CYTH3: variants seen among roughly 807,000 people sequenced by gnomAD.
The protein encoded by CYTH3 is cytohesin 3, also known as cytohesin-3.
A neutral mutation model predicts 55.1 loss-of-function variants in CYTH3; 23 were observed. The ratio of observed to expected loss-of-function variants is 0.42; its 90% CI spans 0.30 to 0.59. The LOEUF is 0.59. Ranked by LOEUF, CYTH3 falls within the 20% of genes least tolerant of loss-of-function variation. The pLI is 0.20. For missense variants in CYTH3, 413 were observed against 524.8 expected (o/e 0.79, Z 2.08); for synonymous variants, 249 against 194.9 (o/e 1.28, Z -2.31).
At chr7:6,239,564 AGAG>A (rs1019047870) in intron 1 of CYTH3, among the ~76,000 whole-genome samples, 7 of 152,240 alleles carry the variant, frequency 4.6e-5, no homozygotes, top group Non-Finnish European at 1.0e-4. Context: ...AAATTAGAAA[AGAG>A]GAGATAAAAC....
intron 1 of CYTH3, among the ~76,000 whole-genome samples, chr7:6,247,562 C>T (rs796941185): frequency 8.5e-5 from 13 of 152,278 alleles, no homozygotes; most frequent in African/African-American, 3.1e-4. Flanking sequence ...AACTTTTGCT[C>T]TTCATGAATC....
At position 6,177,885 on chromosome 7, in the gene CYTH3, G is replaced by C. The variant is rs1023566058; in HGVS notation, c.306C>G (p.Ala102=). The change falls in exon 5 of 13, where the codon GCC becomes GCG. Residue 102 remains alanine, a synonymous_variant. Coordinates refer to ENST00000350796, the MANE Select transcript of CYTH3 (RefSeq NM_004227.4). ...GGCCTTCTCCTTTATAAAGGAACTGGGCGACGTCTTCTGGGGAACTCTGTA... is the reference window on the plus strand; with the variant it reads ...GGCCTTCTCCTTTATAAAGGAACTGCGCGACGTCTTCTGGGGAACTCTGTA... ...DLLQSSPEDV[A]QFLYKGEGLN... 1.9e-6 allele frequency: 3 copies of C among 1,614,002 alleles called. No homozygotes were observed. The African/African-American group carries it at 4.0e-5, about 22-fold the overall frequency.
At chr7:6,259,789 A>ATAT (rs1780270863) in intron 1 of CYTH3, among the ~76,000 whole-genome samples, 2 of 15,992 alleles carry the variant, frequency 1.3e-4, no homozygotes, top group Non-Finnish European at 1.6e-4. Flanking sequence ...TATATAATAT[A>ATAT]TATATATATA....
At position 6,163,551 on chromosome 7, in the gene CYTH3, G is replaced by A. The variant is rs186074177; in HGVS notation, c.*1393C>T. On this transcript the variant is annotated 3_prime_UTR_variant, in exon 13 of 13. Coordinates refer to ENST00000350796, the MANE Select transcript of CYTH3 (RefSeq NM_004227.4). ...GGTCCAGCCCTGAGCCCTCTCTGTAGGTGGGGCCCAGATCCAGCCTTCCTT... is the reference window on the plus strand; with the variant it reads ...GGTCCAGCCCTGAGCCCTCTCTGTAAGTGGGGCCCAGATCCAGCCTTCCTT... The A allele has an allele frequency of 6.6e-6, 1 of 152,308 alleles. No individual in the cohort carries two copies. Among genetic ancestry groups the A allele is most frequent in the Non-Finnish European group, 1.5e-5 (1 of 68,112 alleles). 9.4% of individuals were successfully genotyped at this position (152,308 alleles called of 1,614,324 possible).
At chr7:6,216,519 A>C (rs1784431069) in intron 1 of CYTH3, among the ~76,000 whole-genome samples, 1 of 151,932 alleles carries the variant, frequency 6.6e-6, no homozygotes, top group Non-Finnish European at 1.5e-5. Context: ...TGGGTGGATT[A>C]CCTGAGCTCA....
At chr7:6,271,370 C>T (rs1014801240) in intron 1 of CYTH3, among the ~76,000 whole-genome samples, 2 of 152,166 alleles carry the variant, frequency 1.3e-5, no homozygotes, top group African/African-American at 4.8e-5. Flanking sequence ...ACTGCTGATT[C>T]TTACAGGCAG....
rs373437796 is a variant in CYTH3, at chr7:6,213,534, TTTTG to T, written c.35-23007_35-23004del. 8.7e-4 allele frequency among the ~76,000 whole-genome samples: 132 copies of T among 152,132 alleles called. 1 individual carries two copies. Among genetic ancestry groups the T allele is most frequent in the African/African-American group, 2.8e-3 (118 of 41,498 alleles). On this transcript the variant is annotated intron_variant, in intron 1 of 12. Coordinates refer to ENST00000350796, the MANE Select transcript of CYTH3 (RefSeq NM_004227.4). ...ATCCCAGTAAAGTGTCCCCATGGTT[TTTTG>T]TTTGTTTGTTTGTTTGGTTTTGTTT...
At chr7:6,205,246 T>C (rs914107941) in intron 1 of CYTH3, among the ~76,000 whole-genome samples, 8 of 152,000 alleles carry the variant, frequency 5.3e-5, no homozygotes, top group African/African-American at 1.9e-4. Context: ...AAATAAATCA[T>C]TGGTCAAAGA....
chr7:6,253,012 C>T (rs946921560), intron 1 of CYTH3, among the ~76,000 whole-genome samples: 1 of 152,162 alleles, frequency 6.6e-6, no homozygotes, highest in African/African-American at 2.4e-5. Flanking sequence ...TGGTTACCAA[C>T]TTAATCCACA....
At chr7:6,265,900 T>A (rs62454288) in intron 1 of CYTH3, among the ~76,000 whole-genome samples, 1 of 151,764 alleles carries the variant, frequency 6.6e-6, no homozygotes, top group Non-Finnish European at 1.5e-5. Context: ...CACAATATAC[T>A]GAGATGGAGA....
chr7:6,244,799 ATT>A (rs1316923942), intron 1 of CYTH3, among the ~76,000 whole-genome samples: 1 of 150,700 alleles, frequency 6.6e-6, no homozygotes, highest in African/African-American at 2.4e-5. Flanking sequence ...CTTTTATTTT[ATT>A]TTTTTGAGAC....
chr7:6,165,654 T>C (rs758769237), intron 10 of CYTH3, 38 bp from the exon 11 acceptor site: 65 of 1,612,854 alleles, frequency 4.0e-5, no homozygotes, highest in Non-Finnish European at 5.3e-5. Context: ...TCACTGTGGG[T>C]CACCAGCCTG....
intron 2 of CYTH3, chr7:6,188,858 G>T (rs544783082): frequency 6.6e-6 from 1 of 152,098 alleles, no homozygotes; most frequent in South Asian, 2.1e-4. Context: ...CCAATTCTGG[G>T]TTATCTGATT....
chr7:6,245,139 A>G (rs1194121613), intron 1 of CYTH3, among the ~76,000 whole-genome samples: 1 of 151,636 alleles, frequency 6.6e-6, no homozygotes, highest in South Asian at 2.1e-4. Context: ...TTTACATAAA[A>G]TGTTACAAAA....
chr7:6,164,974 C>T lies in CYTH3; in HGVS notation c.1170G>A (p.Thr390=), dbSNP rs745761213. 8.5e-5 allele frequency: 138 copies of T among 1,614,096 alleles called. No homozygotes were observed. The Middle Eastern group carries it at 2.8e-3, about 33-fold the overall frequency. Reference sequence around the variant, plus strand: ...TTTTATTGGCAATCCTTCGTTTCCTCGTTGCCAACATGTCATAGAAGGGAT... The same window carrying T: ...TTTTATTGGCAATCCTTCGTTTCCTTGTTGCCAACATGTCATAGAAGGGAT... The part of the protein sequence containing the change: ...SRDPFYDMLA[T]RKRRIANKK Residue 390 remains threonine, a synonymous_variant, in exon 13 of 13, where the codon ACG becomes ACA. Coordinates refer to ENST00000350796, the MANE Select transcript of CYTH3 (RefSeq NM_004227.4).
At position 6,169,753 on chromosome 7, in the gene CYTH3, G is replaced by A. The variant is rs561077911; in HGVS notation, c.823+782C>T. On this transcript the variant is annotated intron_variant, in intron 9 of 12. Transcript: ENST00000350796. The surrounding 1 kb of genome is among the most constrained non-coding windows in gnomAD (Gnocchi z 4.1). ...GAGCACTCCCGAAATCTCTCCATGCGCTGCTGGGTTAGTATGGGGTGGAGG... is the reference window on the plus strand; with the variant it reads ...GAGCACTCCCGAAATCTCTCCATGCACTGCTGGGTTAGTATGGGGTGGAGG... 5.9e-5 allele frequency among the ~76,000 whole-genome samples: 9 copies of A among 152,236 alleles called. No homozygotes were observed. The highest frequency in any genetic ancestry group is 2.1e-4 in the South Asian group (1 of 4,822).
intron 9 of CYTH3, among the ~76,000 whole-genome samples, chr7:6,166,463 G>A (rs987883089): frequency 6.6e-6 from 1 of 152,240 alleles, no homozygotes; most frequent in African/African-American, 2.4e-5. Context: ...GCTCCCTGGG[G>A]TACTAGGCCC....
intron 1 of CYTH3, among the ~76,000 whole-genome samples, chr7:6,218,772 C>T (rs145671311): frequency 6.6e-6 from 1 of 152,024 alleles, no homozygotes; most frequent in African/African-American, 2.4e-5. Flanking sequence ...TTTGGGAGGC[C>T]GAGGCGGGCA....
At chr7:6,267,728 T>C (rs1363355867) in intron 1 of CYTH3, among the ~76,000 whole-genome samples, 1 of 152,196 alleles carries the variant, frequency 6.6e-6, no homozygotes, top group Non-Finnish European at 1.5e-5. Context: ...TTCACCACAT[T>C]GGCCAGACTG....
Sources: gnomAD v4.1 joint callset for allele counts (sites outside exome capture counted in the v4.1 genomes callset) on GRCh38, gnomAD v4.1.1 for gene constraint, Gnocchi (gnomAD v3.1) non-coding constraint, MANE v1.5 for transcripts, NCBI Gene and HGNC (gene_info 2026-07-23, HGNC 2026-07-21) for gene names.